Variants in FHOD3 observed in about 807,000 individuals in gnomAD.
The protein encoded by FHOD3 is FH1/FH2 domain-containing protein 3.
FHOD3 carries 90 observed loss-of-function variants against 173.0 expected under a neutral mutation model. The observed-to-expected ratio is 0.52, with a 90% CI of 0.44 to 0.62. The LOEUF is 0.62. Ranked by LOEUF, FHOD3 falls within the 20% of genes least tolerant of loss-of-function variation. The probability of loss-of-function intolerance (pLI) is 0.00; values close to 1 mark genes in which losing one functional copy is unlikely to be tolerated. For missense variants in FHOD3, 1,945 were observed against 2,034.7 expected (o/e 0.96, Z 0.85); for synonymous variants, 828 against 823.0 (o/e 1.01, Z -0.10).
intron 5 of FHOD3, among the ~76,000 whole-genome samples, chr18:36,528,115 C>G (rs1367204907): frequency 6.6e-6 from 1 of 152,148 alleles, no homozygotes; most frequent in African/African-American, 2.4e-5. Context: ...GTGCCTGGTG[C>G]ATGGCAGGCC....
At chr18:36,413,697 C>T (rs891592402) in intron 3 of FHOD3, among the ~76,000 whole-genome samples, 2 of 152,204 alleles carry the variant, frequency 1.3e-5, no homozygotes, top group Admixed American at 6.5e-5. Flanking sequence ...TCCCCTTATT[C>T]TCCAGAATTC....
At chr18:36,383,843 C>T (rs773531506) in intron 3 of FHOD3, among the ~76,000 whole-genome samples, 21 of 152,110 alleles carry the variant, frequency 1.4e-4, no homozygotes, top group Non-Finnish European at 1.0e-4. Context: ...AGATTTGCAC[C>T]CATATCTGTT....
chr18:36,686,625 T>C (rs2038635167), intron 15 of FHOD3, among the ~76,000 whole-genome samples: 1 of 96,218 alleles, frequency 1.0e-5, no homozygotes, highest in African/African-American at 4.2e-5. Context: ...ACACCCCTCA[T>C]GTATCCTGGA....
intron 9 of FHOD3, among the ~76,000 whole-genome samples, chr18:36,618,867 G>T (rs1276475737): frequency 6.6e-6 from 1 of 152,108 alleles, no homozygotes; most frequent in Non-Finnish European, 1.5e-5. Context: ...GTGTCCAGAT[G>T]TCTCTGGGGT....
At chr18:36,678,210 T>C (rs78794332) in intron 14 of FHOD3, among the ~76,000 whole-genome samples, 3,465 of 152,268 alleles carry the variant, frequency 0.023, 118 homozygotes, top group African/African-American at 0.079. Flanking sequence ...CCTTATATTA[T>C]TTTTAACAGT....
chr18:36,715,010 C>T (rs2040371856), intron 18 of FHOD3, among the ~76,000 whole-genome samples: 1 of 152,124 alleles, frequency 6.6e-6, no homozygotes, highest in East Asian at 1.9e-4. Flanking sequence ...AATGAAGCTC[C>T]CAATGCTGAC....
intron 6 of FHOD3, among the ~76,000 whole-genome samples, chr18:36,586,046 C>T (rs550679424): frequency 6.6e-5 from 10 of 152,214 alleles, no homozygotes; most frequent in Non-Finnish European, 1.2e-4. Context: ...GCCTGCCACA[C>T]TCTTCTAACA....
chr18:36,299,328 C>T (rs1248949594), intron 1 of FHOD3, among the ~76,000 whole-genome samples: 1 of 152,212 alleles, frequency 6.6e-6, no homozygotes, highest in Middle Eastern at 3.2e-3. Context: ...GGGTCGTCAT[C>T]ATCCAGAGTG....
At chr18:36,705,026 A>G (rs1263076403) in intron 17 of FHOD3, among the ~76,000 whole-genome samples, 1 of 151,932 alleles carries the variant, frequency 6.6e-6, no homozygotes, top group African/African-American at 2.4e-5. Context: ...TGGACTCTTG[A>G]TTCCACACTG....
chr18:36,750,333 G>T (rs1057284162), intron 24 of FHOD3, among the ~76,000 whole-genome samples: 4 of 152,152 alleles, frequency 2.6e-5, no homozygotes, highest in African/African-American at 9.7e-5. Context: ...TTTTAGTGGG[G>T]TTGTTCATTT....
At chr18:36,682,644 G>T (rs1028295935) in intron 15 of FHOD3, among the ~76,000 whole-genome samples, 3 of 152,094 alleles carry the variant, frequency 2.0e-5, no homozygotes, top group Admixed American at 6.6e-5. Flanking sequence ...GTACAGTGGC[G>T]CAATCTTGGC....
chr18:36,643,298 G>A (rs1020920698), intron 10 of FHOD3, among the ~76,000 whole-genome samples: 1 of 151,894 alleles, frequency 6.6e-6, no homozygotes, highest in African/African-American at 2.4e-5. Context: ...ATTCTTTGTC[G>A]TGGGGGCTAT....
intron 18 of FHOD3, among the ~76,000 whole-genome samples, chr18:36,716,742 C>T (rs1028569353): frequency 1.3e-5 from 2 of 152,060 alleles, no homozygotes; most frequent in African/African-American, 2.4e-5. Context: ...GTGGTGGGAG[C>T]AATAGCTCCC....
chr18:36,607,162 A>G (rs759667282), intron 8 of FHOD3, among the ~76,000 whole-genome samples: 1 of 152,148 alleles, frequency 6.6e-6, no homozygotes, highest in African/African-American at 2.4e-5. Flanking sequence ...CCCTGTGACA[A>G]ATCTCTTCCT....
chr18:36,534,814 C>T (rs1465772862), intron 5 of FHOD3, among the ~76,000 whole-genome samples: 1 of 152,304 alleles, frequency 6.6e-6, no homozygotes, highest in African/African-American at 2.4e-5. Context: ...AAAAGAGAAG[C>T]TTGTTTTCCT....
intron 3 of FHOD3, among the ~76,000 whole-genome samples, chr18:36,458,398 A>T (rs9652994): frequency 0.14 from 20,659 of 151,942 alleles, 3,136 homozygotes; most frequent in African/African-American, 0.37. Context: ...TTATTAAAAA[A>T]CTTTTTTGGC....
At chr18:36,313,697 T>C (rs543527348) in intron 1 of FHOD3, among the ~76,000 whole-genome samples, 17 of 152,302 alleles carry the variant, frequency 1.1e-4, no homozygotes, top group African/African-American at 4.1e-4. Flanking sequence ...GGGTTGTTTC[T>C]GGTTTTTGGT....
At chr18:36,698,014 A>G (rs952708507) in intron 17 of FHOD3, among the ~76,000 whole-genome samples, 1 of 152,220 alleles carries the variant, frequency 6.6e-6, no homozygotes, top group African/African-American at 2.4e-5. Flanking sequence ...CTGGCACGGT[A>G]GCAATGGAAT....
intron 3 of FHOD3, among the ~76,000 whole-genome samples, chr18:36,489,243 T>C (rs1404640949): frequency 3.2e-5 from 1 of 30,970 alleles, no homozygotes; most frequent in South Asian, 1.6e-3. Flanking sequence ...AGAATGGGTT[T>C]GTTTGTTTGT....
Sources: allele counts gnomAD v4.1 joint callset (sites outside exome capture counted in the v4.1 genomes callset), GRCh38; gene constraint gnomAD v4.1.1; transcripts MANE v1.5; gene names NCBI Gene and HGNC (gene_info 2026-07-23, HGNC 2026-07-21).